The following TMEM65 variants were observed in gnomAD, a reference collection of about 807,000 sequenced individuals.
TMEM65 encodes the protein transmembrane protein 65.
A neutral mutation model predicts 25.4 loss-of-function variants in TMEM65; 22 were observed. The observed-to-expected ratio is 0.86, with a 90% confidence interval of 0.62 to 1.23. The LOEUF is 1.23. TMEM65 is among the 50% of genes most tolerant of loss of function. The probability of loss-of-function intolerance (pLI) is 0.00; values close to 1 mark genes in which losing one functional copy is unlikely to be tolerated. For missense variants in TMEM65, 262 were observed against 308.2 expected, an observed-to-expected ratio of 0.85 and a Z score of 1.12; for synonymous variants, 132 against 126.2, an observed-to-expected ratio of 1.05 and a Z score of -0.31.
Position 124,372,115 on chromosome 8 carries a change from T to C in TMEM65, c.43A>G (p.Ser15Gly), listed in dbSNP as rs902717110. ...LPLLRSRTAR[S>G]LRPGPAAAAA... Reference sequence around the variant, plus strand: ...GCGGCGGCCGGGCCCGGCCTCAGGCTGCGCGCGGTCCGGCTCCTCAGCAGC... The same window carrying C: ...GCGGCGGCCGGGCCCGGCCTCAGGCCGCGCGCGGTCCGGCTCCTCAGCAGC... The change falls in exon 1 of 7, where the codon AGC becomes GGC. Residue 15 changes from serine (S) to glycine (G), a missense_variant. Transcript: ENST00000297632. 24 of 1,120,144 alleles carry C rather than the reference T, an allele frequency of 2.1e-5. No homozygotes were observed. Among genetic ancestry groups the C allele is most frequent in the Non-Finnish European group, 2.6e-5 (24 of 914,620 alleles). 69.4% of individuals were successfully genotyped at this position (1,120,144 alleles called of 1,614,324 possible). A position where few individuals can be genotyped will look rare whatever the true frequency, so the allele number is the denominator to read the frequency against.
At chr8:124,329,724 T>C (rs573587866) in intron 2 of TMEM65, among the ~76,000 whole-genome samples, 1 of 152,068 alleles carries the variant, frequency 6.6e-6, no homozygotes, top group Non-Finnish European at 1.5e-5. Flanking sequence ...GCACCTGAGA[T>C]ACAAAGATAA....
chr8:124,321,411 C>T (rs893696699), intron 5 of TMEM65, among the ~76,000 whole-genome samples: 5 of 152,090 alleles, frequency 3.3e-5, no homozygotes, highest in Non-Finnish European at 7.4e-5. Context: ...CTAATTTATA[C>T]TCCCCCAGGC....
intron 1 of TMEM65, among the ~76,000 whole-genome samples, chr8:124,365,799 G>A (rs1388587676): frequency 6.6e-6 from 1 of 152,206 alleles, no homozygotes. Flanking sequence ...GGACTCTCTA[G>A]AAGGACAGAG....
At position 124,311,806 on chromosome 8, in the gene TMEM65, C is replaced by T. The variant is rs1020705118; in HGVS notation, c.*2154G>A. The T allele has an allele frequency of 2.0e-5, 3 of 152,110 alleles. No homozygotes were observed. Among genetic ancestry groups the T allele is most frequent in the Admixed American group, 6.6e-5 (1 of 15,256 alleles). 9.4% of individuals were successfully genotyped at this position (152,110 alleles called of 1,614,324 possible). On this transcript the variant is annotated 3_prime_UTR_variant, in exon 7 of 7. Coordinates refer to ENST00000297632, the MANE Select transcript of TMEM65 (RefSeq NM_194291.3). ...ATGGTCTCCATTTTTTGAAAATTAC[C>T]TGAATGATTCAAATTTTTATTATGC...
intron 1 of TMEM65, among the ~76,000 whole-genome samples, chr8:124,335,942 C>T (rs558030348): frequency 7.1e-4 from 108 of 152,026 alleles, no homozygotes; most frequent in Non-Finnish European, 1.2e-3. Context: ...GCAGAGACTA[C>T]AAAAACGAAC....
At chr8:124,366,328 G>A (rs1447260733) in intron 1 of TMEM65, among the ~76,000 whole-genome samples, 1 of 152,176 alleles carries the variant, frequency 6.6e-6, no homozygotes, top group Admixed American at 6.5e-5. Context: ...TGCTAACATT[G>A]TCATGCTGGT....
chr8:124,370,744 C>G (rs1815001586), intron 1 of TMEM65, among the ~76,000 whole-genome samples: 3 of 152,216 alleles, frequency 2.0e-5, no homozygotes, highest in Non-Finnish European at 4.4e-5. Flanking sequence ...TCCTGCACAT[C>G]AGCTAAAGAT....
chr8:124,354,199 C>T (rs550130831), intron 1 of TMEM65, among the ~76,000 whole-genome samples: 1 of 152,134 alleles, frequency 6.6e-6, no homozygotes, highest in Non-Finnish European at 1.5e-5. Flanking sequence ...CAATGCAACT[C>T]AAGGGGAAGA....
At chr8:124,342,366 CATTGGTTCATAA>C (rs1256019788) in intron 1 of TMEM65, among the ~76,000 whole-genome samples, 3 of 152,072 alleles carry the variant, frequency 2.0e-5, no homozygotes, top group Non-Finnish European at 4.4e-5. Context: ...GGAAGAAACT[CATTGGTTCATAA>C]AACTGCTAAC....
At chr8:124,319,652 C>T (rs1028318870) in intron 6 of TMEM65, among the ~76,000 whole-genome samples, 1 of 151,984 alleles carries the variant, frequency 6.6e-6, no homozygotes, top group East Asian at 1.9e-4. Context: ...GAAATCTCCC[C>T]ACCAAAAGAA....
chr8:124,322,754 T>C (rs986400213), intron 4 of TMEM65, among the ~76,000 whole-genome samples: 2 of 151,994 alleles, frequency 1.3e-5, no homozygotes, highest in Admixed American at 1.3e-4. Flanking sequence ...TCCTAGCACT[T>C]TGGGAGGCCG....
At chr8:124,355,258 AT>A (rs200033260) in intron 1 of TMEM65, among the ~76,000 whole-genome samples, 24 of 151,514 alleles carry the variant, frequency 1.6e-4, no homozygotes, top group Non-Finnish European at 1.8e-4. Flanking sequence ...AAAAAAAAAA[AT>A]TCTAGGACGT....
chr8:124,336,990 AC>A (rs1375021861), intron 1 of TMEM65, among the ~76,000 whole-genome samples: 1 of 151,854 alleles, frequency 6.6e-6, no homozygotes, highest in African/African-American at 2.4e-5. Context: ...ATTATGAAAA[AC>A]GTTACACCCA....
At chr8:124,349,471 AT>A (rs1191707136) in intron 1 of TMEM65, among the ~76,000 whole-genome samples, 1 of 152,216 alleles carries the variant, frequency 6.6e-6, no homozygotes, top group Non-Finnish European at 1.5e-5. Context: ...ACTGGAAACT[AT>A]TACATGGTTC....
intron 1 of TMEM65, among the ~76,000 whole-genome samples, chr8:124,333,457 G>C (rs952221454): frequency 1.3e-4 from 14 of 107,318 alleles, no homozygotes; most frequent in Admixed American, 4.4e-4. Flanking sequence ...CTTTCCATCT[G>C]TGTGTGTGTG....
chr8:124,313,872 T>C lies in TMEM65; in HGVS notation c.*88A>G. On this transcript the variant is annotated 3_prime_UTR_variant, in exon 7 of 7. Coordinates refer to ENST00000297632, the MANE Select transcript of TMEM65 (RefSeq NM_194291.3). ...ATTATTTGATCCCATATCTATACTG[T>C]TACTGTCTTAATTCCTAAATGTTGT... The C allele has an allele frequency of 8.0e-6, 7 of 872,884 alleles. No homozygotes were observed. The highest frequency in any genetic ancestry group is 6.5e-4 in the Middle Eastern group (2 of 3,098). The allele number at this position is 872,884 out of a possible 1,614,324, so 54.1% of individuals were successfully genotyped here. A position where few individuals can be genotyped will look rare whatever the true frequency, so the allele number is the denominator to read the frequency against.
At chr8:124,342,680 T>C (rs182732766) in intron 1 of TMEM65, among the ~76,000 whole-genome samples, 1 of 152,226 alleles carries the variant, frequency 6.6e-6, no homozygotes, top group Admixed American at 6.5e-5. Flanking sequence ...CTTCCATTAT[T>C]AAAAGCTCTG....
intron 2 of TMEM65, among the ~76,000 whole-genome samples, chr8:124,330,451 A>G (rs1814417106): frequency 6.6e-6 from 1 of 151,978 alleles, no homozygotes; most frequent in South Asian, 2.1e-4. Context: ...AAACTAAAGT[A>G]AATACATCCT....
At chr8:124,338,040 C>T (rs531508017) in intron 1 of TMEM65, among the ~76,000 whole-genome samples, 3 of 151,732 alleles carry the variant, frequency 2.0e-5, no homozygotes, top group East Asian at 1.9e-4. Context: ...TTCAGAAAAG[C>T]GAAAAGAAAC....
Sources: gnomAD v4.1 joint callset for allele counts (sites outside exome capture counted in the v4.1 genomes callset) on GRCh38, gnomAD v4.1.1 for gene constraint, MANE v1.5 for transcripts, NCBI Gene and HGNC (gene_info 2026-07-23, HGNC 2026-07-21) for gene names.